The following CNTN6 variants were observed in gnomAD, a reference collection of about 807,000 sequenced individuals.
CNTN6 encodes contactin-6.
Under a neutral mutation model 122.8 loss-of-function variants are expected in CNTN6, and 137 were observed. That is an observed-to-expected ratio of 1.12 (90% CI 0.97 to 1.29). The LOEUF (loss-of-function observed/expected upper bound fraction) is 1.29. Ranked by LOEUF, CNTN6 falls within the 50% of genes most tolerant of loss-of-function variation. The probability of loss-of-function intolerance (pLI) is 0.00; values close to 1 mark genes in which losing one functional copy is unlikely to be tolerated. For missense variants in CNTN6, 1,634 were observed against 1,223.4 expected, an observed-to-expected ratio of 1.34 and a Z score of -5.01; for synonymous variants, 570 against 426.0, an observed-to-expected ratio of 1.34 and a Z score of -4.16.
At chr3:1,173,536 G>A (rs1559453951) in intron 2 of CNTN6, among the ~76,000 whole-genome samples, 1 of 152,184 alleles carries the variant, frequency 6.6e-6, no homozygotes, top group African/African-American at 2.4e-5. Flanking sequence ...ACGAAGTTGG[G>A]ATGTGAACCC....
chr3:1,156,675 C>CTT (rs2092972098), intron 2 of CNTN6, among the ~76,000 whole-genome samples: 1 of 96,548 alleles, frequency 1.0e-5, no homozygotes, highest in African/African-American at 6.6e-5. Context: ...TCCTTCCTTC[C>CTT]TTCCTTTCCC....
At chr3:1,122,490 C>T (rs571542461) in intron 1 of CNTN6, among the ~76,000 whole-genome samples, 3 of 149,880 alleles carry the variant, frequency 2.0e-5, no homozygotes, top group Non-Finnish European at 3.0e-5. Context: ...GTGGACAATT[C>T]GGTTGCATTT....
chr3:1,245,276 C>T (rs1179058356), intron 4 of CNTN6, among the ~76,000 whole-genome samples: 914 of 6,946 alleles, frequency 0.13, 168 homozygotes, highest in Middle Eastern at 0.62. Context: ...TATATATATA[C>T]ACACACATAT....
At chr3:1,167,831 A>C (rs2093285780) in intron 2 of CNTN6, among the ~76,000 whole-genome samples, 1 of 152,192 alleles carries the variant, frequency 6.6e-6, no homozygotes, top group South Asian at 2.1e-4. Flanking sequence ...TATATTGAGC[A>C]CTCATATGTG....
intron 19 of CNTN6, 46 bp from the exon 20 acceptor site, chr3:1,385,565 G>A (rs765752108): frequency 1.4e-6 from 2 of 1,461,534 alleles, no homozygotes; most frequent in East Asian, 2.4e-5. Context: ...ATGATTGATA[G>A]TTATTGGGGA....
chr3:1,280,496 G>A (rs6805276), intron 5 of CNTN6, among the ~76,000 whole-genome samples: 3 of 116,494 alleles, frequency 2.6e-5, no homozygotes, highest in African/African-American at 6.5e-5. Flanking sequence ...ATAGCATCTC[G>A]CTCTGTCTCC....
intron 5 of CNTN6, among the ~76,000 whole-genome samples, chr3:1,285,163 CAGAT>C (rs1286458723): frequency 1.9e-4 from 29 of 152,078 alleles, no homozygotes; most frequent in African/African-American, 2.7e-4. Flanking sequence ...TTGCTGTAGA[CAGAT>C]AGATAATTAC....
intron 1 of CNTN6, among the ~76,000 whole-genome samples, chr3:1,094,773 T>A (rs1040023700): frequency 1.3e-5 from 2 of 151,972 alleles, no homozygotes; most frequent in South Asian, 2.1e-4. Flanking sequence ...GTTTTTTTTT[T>A]AGTAAGTAAA....
At chr3:1,334,290 T>A (rs2126014262) in intron 11 of CNTN6, among the ~76,000 whole-genome samples, 1 of 152,052 alleles carries the variant, frequency 6.6e-6, no homozygotes, top group Admixed American at 6.6e-5. Context: ...CAGGAAGCAC[T>A]GGGAATTAGA....
chr3:1,372,083 G>A (rs919606478), intron 12 of CNTN6, among the ~76,000 whole-genome samples: 1 of 152,056 alleles, frequency 6.6e-6, no homozygotes, highest in Non-Finnish European at 1.5e-5. Context: ...CATATAAGGT[G>A]TGAATATATT....
chr3:1,320,259 C>T (rs1380279106), intron 7 of CNTN6, among the ~76,000 whole-genome samples: 1 of 151,660 alleles, frequency 6.6e-6, no homozygotes, highest in Non-Finnish European at 1.5e-5. Context: ...ATAATTGAAT[C>T]AAACATTGAT....
intron 2 of CNTN6, among the ~76,000 whole-genome samples, chr3:1,211,359 T>A (rs953529008): frequency 3.3e-5 from 5 of 152,206 alleles, no homozygotes; most frequent in Admixed American, 6.5e-5. Flanking sequence ...ATACAGGCTT[T>A]CTAATGTATG....
At chr3:1,296,705 C>G (rs976703067) in intron 6 of CNTN6, among the ~76,000 whole-genome samples, 1 of 152,088 alleles carries the variant, frequency 6.6e-6, no homozygotes, top group African/African-American at 2.4e-5. Flanking sequence ...ACTAACCACC[C>G]AAATGTATTT....
At position 1,373,758 on chromosome 3, in the gene CNTN6, T is replaced by C. The variant is rs1709453795; in HGVS notation, c.1941T>C (p.Ala647=). Residue 647 remains alanine, a synonymous_variant, in exon 15 of 23, where the codon GCT becomes GCC. Coordinates refer to ENST00000446702, the MANE Select transcript of CNTN6 (RefSeq NM_001289080.2). ...TPFSVGWQAV[A]TVPEILNGKT... ...TTTCTGTGGGTTGGCAGGCTGTTGC[T>C]ACAGGTGAGTGACAAAAGTGTTTTG... is the stretch of plus-strand genomic sequence containing the variant. 1 of 1,598,720 alleles carries C rather than the reference T, an allele frequency of 6.3e-7. No homozygotes were observed. The highest frequency in any genetic ancestry group is 1.3e-5 in the African/African-American group (1 of 74,500).
At chr3:1,103,039 G>A (rs1230092361) in intron 1 of CNTN6, among the ~76,000 whole-genome samples, 2 of 151,588 alleles carry the variant, frequency 1.3e-5, no homozygotes, top group Non-Finnish European at 2.9e-5. Context: ...CCGGGAGGCG[G>A]AGCTTGCAGT....
intron 12 of CNTN6, among the ~76,000 whole-genome samples, chr3:1,371,845 T>A (rs1709059117): frequency 6.6e-6 from 1 of 152,154 alleles, no homozygotes; most frequent in Non-Finnish European, 1.5e-5. Context: ...CTCTTAAATA[T>A]AAACGTATGT....
In CNTN6 at chr3:1,220,737, A is replaced by C. The variant is rs1293848765; in HGVS notation, c.106A>C (p.Ile36Leu). The C allele has an allele frequency of 5.6e-6, 9 of 1,613,146 alleles. No homozygotes were observed. The highest frequency in any genetic ancestry group is 6.8e-6 in the Non-Finnish European group (8 of 1,179,596). The change falls in exon 3 of 23, where the codon ATT becomes CTT. Residue 36 changes from isoleucine (I) to leucine (L), a missense_variant. Ile to Leu is a conservative substitution (Grantham distance 5, BLOSUM62 2). Transcript: ENST00000446702. Reference protein sequence around the residue: ...PIFTQEPHDVIFPLDLSKSEV... With the variant: ...PIFTQEPHDVLFPLDLSKSEV... ...TTTTACTCAGGAGCCACATGATGTCATTTTTCCTTTGGATTTATCAAAATC... is the reference window on the plus strand; with the variant it reads ...TTTTACTCAGGAGCCACATGATGTCCTTTTTCCTTTGGATTTATCAAAATC...
At chr3:1,201,818 A>C (rs1366323925) in intron 2 of CNTN6, among the ~76,000 whole-genome samples, 1 of 152,202 alleles carries the variant, frequency 6.6e-6, no homozygotes, top group Non-Finnish European at 1.5e-5. Context: ...ATTCACAAGG[A>C]CAAATTAATA....
chr3:1,252,667 C>G (rs1319171658), intron 4 of CNTN6, among the ~76,000 whole-genome samples: 14 of 152,222 alleles, frequency 9.2e-5, no homozygotes, highest in Middle Eastern at 3.4e-3. Context: ...TATTCATGAT[C>G]TGTTTTTTAA....
Sources: gnomAD v4.1 joint callset for allele counts (sites outside exome capture counted in the v4.1 genomes callset) on GRCh38, gnomAD v4.1.1 for gene constraint, MANE v1.5 for transcripts, NCBI Gene and HGNC (gene_info 2026-07-23, HGNC 2026-07-21) for gene names.